GPC5: variants seen among roughly 807,000 people sequenced by gnomAD.
The protein encoded by GPC5 is glypican-5.
In GPC5, 47 loss-of-function variants were observed where a neutral mutation model predicts 53.9. The observed-to-expected ratio is 0.87, with a 90% CI of 0.69 to 1.11. GPC5 has a LOEUF of 1.11. Among genes scored for constraint, GPC5 ranks in the 50% most tolerant of loss-of-function variants. The pLI, the probability that GPC5 is intolerant of heterozygous loss-of-function variation, is 0.00. For synonymous variants in GPC5, 286 were observed against 263.3 expected, an observed-to-expected ratio of 1.09 and a Z score of -0.84; for missense variants, 748 against 713.1, an observed-to-expected ratio of 1.05 and a Z score of -0.56.
At chr13:92,222,510 A>G (rs1209448357) in intron 7 of GPC5, among the ~76,000 whole-genome samples, 2 of 152,188 alleles carry the variant, frequency 1.3e-5, no homozygotes, top group Non-Finnish European at 2.9e-5. Context: ...ATTAGAGGAA[A>G]ACTAAGAAGT....
intron 7 of GPC5, among the ~76,000 whole-genome samples, chr13:92,194,148 A>T (rs1244568117): frequency 6.6e-6 from 1 of 152,214 alleles, no homozygotes; most frequent in Non-Finnish European, 1.5e-5. Flanking sequence ...ATTTACTCTC[A>T]TAACAACCTT....
At position 91,650,455 on chromosome 13, in the gene GPC5, T is replaced by C. The variant is rs191267679; in HGVS notation, c.326-42732T>C. 8.0e-5 allele frequency among the ~76,000 whole-genome samples: 12 copies of C among 150,634 alleles called. No homozygotes were observed. In the East Asian group the frequency reaches 2.3e-3, roughly 29 times the overall value. ...CATTCTGCCTTTATTTTATCTTTAC[T>C]GTATACCAAGATCATCTTTGTTTAA... On this transcript the variant is annotated intron_variant, in intron 2 of 7. Transcript: ENST00000377067.
intron 5 of GPC5, among the ~76,000 whole-genome samples, chr13:91,821,495 G>T (rs756238955): frequency 6.6e-5 from 10 of 152,178 alleles, no homozygotes; most frequent in Middle Eastern, 6.8e-3. Flanking sequence ...AATAAAAGTG[G>T]AGATATTTCT....
chr13:92,119,390 G>GTTTTTTAGTT (rs2041627133), intron 6 of GPC5, among the ~76,000 whole-genome samples: 3 of 65,672 alleles, frequency 4.6e-5, no homozygotes, highest in African/African-American at 2.0e-4. Flanking sequence ...TAGGATTTTA[G>GTTTTTTAGTT]TTTTTTTTTT....
chr13:91,719,899 G>T (rs1416069070), intron 3 of GPC5, among the ~76,000 whole-genome samples: 3 of 151,522 alleles, frequency 2.0e-5, no homozygotes, highest in Non-Finnish European at 4.4e-5. Context: ...TTCAAAGCAG[G>T]TGAATACAAT....
intron 2 of GPC5, among the ~76,000 whole-genome samples, chr13:91,455,566 T>C (rs1383008100): frequency 1.3e-5 from 2 of 152,186 alleles, no homozygotes; most frequent in East Asian, 1.9e-4. Flanking sequence ...TACCATGTTG[T>C]ATTTTGTATG....
At chr13:92,613,803 G>T (rs1415917501) in intron 7 of GPC5, among the ~76,000 whole-genome samples, 8 of 149,872 alleles carry the variant, frequency 5.3e-5, no homozygotes, top group Non-Finnish European at 1.2e-4. Context: ...GCTGCAGTGA[G>T]ATAGGATGGT....
chr13:91,824,492 T>C (rs1389331194), intron 5 of GPC5, among the ~76,000 whole-genome samples: 1 of 152,084 alleles, frequency 6.6e-6, no homozygotes, highest in African/African-American at 2.4e-5. Context: ...AAAGGCAGAT[T>C]AAAGTTCCAG....
At chr13:91,461,584 G>A (rs1350032175) in intron 2 of GPC5, among the ~76,000 whole-genome samples, 3 of 152,106 alleles carry the variant, frequency 2.0e-5, no homozygotes, top group Non-Finnish European at 4.4e-5. Flanking sequence ...GATTAATTGA[G>A]GTAGTCCCTG....
At chr13:92,310,096 G>A (rs1261044425) in intron 7 of GPC5, among the ~76,000 whole-genome samples, 2 of 151,858 alleles carry the variant, frequency 1.3e-5, no homozygotes, top group East Asian at 1.9e-4. Context: ...TCTTTTTTAA[G>A]GCTGAATAAT....
At chr13:92,284,163 C>T (rs907442830) in intron 7 of GPC5, among the ~76,000 whole-genome samples, 2 of 152,186 alleles carry the variant, frequency 1.3e-5, no homozygotes, top group Non-Finnish European at 2.9e-5. Context: ...TTCTTGGACA[C>T]ATACACCCTT....
At chr13:91,974,340 T>C (rs183070967) in intron 6 of GPC5, among the ~76,000 whole-genome samples, 207 of 152,232 alleles carry the variant, frequency 1.4e-3, no homozygotes, top group African/African-American at 4.6e-3. Context: ...TCCCTGTTTG[T>C]AGATGACATG....
intron 7 of GPC5, among the ~76,000 whole-genome samples, chr13:92,519,870 A>T (rs1253928218): frequency 6.6e-6 from 1 of 151,992 alleles, no homozygotes; most frequent in African/African-American, 2.4e-5. Flanking sequence ...AACAAAATTG[A>T]TAGACTGCTA....
chr13:91,869,198 T>G (rs371021485), intron 5 of GPC5, among the ~76,000 whole-genome samples: 2 of 152,264 alleles, frequency 1.3e-5, no homozygotes, highest in African/African-American at 4.8e-5. Context: ...TAGCTGGGAT[T>G]ACAGGAACCT....
chr13:92,095,203 A>C (rs2041412537), intron 6 of GPC5, among the ~76,000 whole-genome samples: 1 of 152,234 alleles, frequency 6.6e-6, no homozygotes, highest in Non-Finnish European at 1.5e-5. Flanking sequence ...AGAGCAGGAA[A>C]AATTGCTGAG....
chr13:91,745,793 T>C (rs888886762), intron 4 of GPC5, among the ~76,000 whole-genome samples: 1 of 152,140 alleles, frequency 6.6e-6, no homozygotes, highest in Non-Finnish European at 1.5e-5. Flanking sequence ...CACATTTTCA[T>C]TTATGATAAA....
intron 7 of GPC5, among the ~76,000 whole-genome samples, chr13:92,431,389 G>T (rs1423904524): frequency 1.2e-5 from 1 of 80,402 alleles, no homozygotes. Flanking sequence ...TAAAGACACA[G>T]CTTTTTTTTT....
At chr13:92,376,891 C>T (rs954765810) in intron 7 of GPC5, among the ~76,000 whole-genome samples, 21 of 152,082 alleles carry the variant, frequency 1.4e-4, no homozygotes, top group Non-Finnish European at 4.4e-5. Context: ...TGGCACATGC[C>T]TGTAATCCCA....
chr13:91,524,364 TTTGA>T (rs1482467326), intron 2 of GPC5, among the ~76,000 whole-genome samples: 5 of 152,134 alleles, frequency 3.3e-5, no homozygotes, highest in African/African-American at 9.7e-5. Flanking sequence ...AGTATTATTT[TTTGA>T]TTGATGCAGT....
Sources: gnomAD v4.1 joint callset for allele counts (sites outside exome capture counted in the v4.1 genomes callset) on GRCh38, gnomAD v4.1.1 for gene constraint, MANE v1.5 for transcripts, NCBI Gene and HGNC (gene_info 2026-07-23, HGNC 2026-07-21) for gene names.